Variants in SLC39A11 observed in about 807,000 individuals in gnomAD.
SLC39A11 encodes solute carrier family 39 member 11, also known as zinc transporter ZIP11.
A neutral mutation model predicts 36.1 loss-of-function variants in SLC39A11; 33 were observed. That is an observed-to-expected ratio of 0.91 (90% CI 0.69 to 1.22). The LOEUF (loss-of-function observed/expected upper bound fraction) is 1.22. Ranked by LOEUF, SLC39A11 falls within the 50% of genes most tolerant of loss-of-function variation. The pLI is 0.00. For missense variants in SLC39A11, 432 were observed against 430.3 expected (o/e 1.00, Z -0.03); for synonymous variants, 166 against 170.3 (o/e 0.97, Z 0.20).
intron 7 of SLC39A11, among the ~76,000 whole-genome samples, chr17:72,699,422 G>T (rs1567960212): frequency 6.6e-6 from 1 of 152,180 alleles, no homozygotes; most frequent in Non-Finnish European, 1.5e-5. Flanking sequence ...GGAGGTAGGG[G>T]CAAAGAGGAG....
chr17:72,831,793 A>C (rs1182014582), intron 6 of SLC39A11, among the ~76,000 whole-genome samples: 2 of 152,222 alleles, frequency 1.3e-5, no homozygotes, highest in Admixed American at 1.3e-4. Context: ...GAAGCATCCG[A>C]ATTCATTTTT....
At chr17:72,892,582 A>G (rs2081811970) in intron 5 of SLC39A11, among the ~76,000 whole-genome samples, 1 of 152,230 alleles carries the variant, frequency 6.6e-6, no homozygotes, top group East Asian at 1.9e-4. Flanking sequence ...TCAAGAGTCT[A>G]TTTCCCCACT....
intron 7 of SLC39A11, among the ~76,000 whole-genome samples, chr17:72,712,027 G>T (rs1041995168): frequency 6.6e-6 from 1 of 152,252 alleles, no homozygotes; most frequent in Non-Finnish European, 1.5e-5. Context: ...GGCTTAGTGA[G>T]GGATTAGACT....
chr17:72,986,382 G>C (rs138613378), intron 4 of SLC39A11, among the ~76,000 whole-genome samples: 1 of 152,272 alleles, frequency 6.6e-6, no homozygotes, highest in Admixed American at 6.5e-5. Context: ...ACAAAGCCCC[G>C]GTGAAGCTTT....
At chr17:73,032,241 C>T (rs2058761021) in intron 3 of SLC39A11, among the ~76,000 whole-genome samples, 1 of 150,024 alleles carries the variant, frequency 6.7e-6, no homozygotes, top group African/African-American at 2.5e-5. Context: ...GAGACTTTCT[C>T]TGTCACCCAG....
chr17:72,864,567 A>G (rs972871325), intron 5 of SLC39A11, among the ~76,000 whole-genome samples: 2 of 152,270 alleles, frequency 1.3e-5, no homozygotes, highest in African/African-American at 4.8e-5. Context: ...CCATAGATAC[A>G]CATGGAAAAC....
chr17:72,776,357 T>C (rs1489969424), intron 6 of SLC39A11, among the ~76,000 whole-genome samples: 1 of 152,222 alleles, frequency 6.6e-6, no homozygotes, highest in Non-Finnish European at 1.5e-5. Context: ...GTTACTCTCC[T>C]AATAAATTGT....
intron 6 of SLC39A11, among the ~76,000 whole-genome samples, chr17:72,747,920 C>T (rs768821495): frequency 6.6e-5 from 10 of 152,186 alleles, no homozygotes; most frequent in Admixed American, 1.3e-4. Context: ...TAGTTTGATG[C>T]AGTTTTCCAG....
chr17:72,945,768 A>C (rs2085395455), intron 5 of SLC39A11, among the ~76,000 whole-genome samples: 1 of 152,200 alleles, frequency 6.6e-6, no homozygotes, highest in Non-Finnish European at 1.5e-5. Context: ...TTGGCCAAGA[A>C]GACCCAGCAG....
At chr17:73,017,144 G>A (rs557571569) in intron 4 of SLC39A11, among the ~76,000 whole-genome samples, 1 of 152,132 alleles carries the variant, frequency 6.6e-6, no homozygotes, top group East Asian at 1.9e-4. Flanking sequence ...GAAAAATGAG[G>A]CCAAAAACAC....
chr17:72,929,760 C>A (rs1411358798), intron 5 of SLC39A11, among the ~76,000 whole-genome samples: 1 of 152,098 alleles, frequency 6.6e-6, no homozygotes, highest in Non-Finnish European at 1.5e-5. Flanking sequence ...CCCTTGGAAA[C>A]TGGATTTAAC....
chr17:72,675,566 G>A (rs2071220580), intron 7 of SLC39A11, among the ~76,000 whole-genome samples: 1 of 152,166 alleles, frequency 6.6e-6, no homozygotes, highest in African/African-American at 2.4e-5. Context: ...ACTCTTGGAA[G>A]ACCTTAGCTG....
At chr17:72,818,229 T>A (rs1234400019) in intron 6 of SLC39A11, among the ~76,000 whole-genome samples, 4 of 152,110 alleles carry the variant, frequency 2.6e-5, no homozygotes. Flanking sequence ...GCCTGAAAGG[T>A]CCAATCATCT....
chr17:72,732,049 T>C (rs1567999522), intron 7 of SLC39A11, among the ~76,000 whole-genome samples: 3 of 104,964 alleles, frequency 2.9e-5, no homozygotes, highest in Non-Finnish European at 6.2e-5. Flanking sequence ...TCTTTTTTTT[T>C]TTTTTTTTTT....
At chr17:72,980,213 G>T (rs1040295438) in intron 4 of SLC39A11, among the ~76,000 whole-genome samples, 1 of 152,144 alleles carries the variant, frequency 6.6e-6, no homozygotes, top group African/African-American at 2.4e-5. Flanking sequence ...GACAAAATTA[G>T]TGGTGGCTCA....
At chr17:73,004,104 AAGAG>A (rs200928496) in intron 4 of SLC39A11, among the ~76,000 whole-genome samples, 10 of 149,958 alleles carry the variant, frequency 6.7e-5, no homozygotes, top group African/African-American at 2.2e-4. Flanking sequence ...GGAAGAAAGA[AAGAG>A]AGAGAGAGAG....
intron 5 of SLC39A11, among the ~76,000 whole-genome samples, chr17:72,861,666 T>TATATATATATATATATATATATATATAC (rs2080012172): frequency 9.3e-6 from 1 of 107,090 alleles, no homozygotes; most frequent in African/African-American, 4.0e-5. Flanking sequence ...ATTATATATA[T>TATATATATATATATATATATATATATAC]ATATATATAT....
At chr17:72,983,733 G>A (rs1339443705) in intron 4 of SLC39A11, among the ~76,000 whole-genome samples, 1 of 152,166 alleles carries the variant, frequency 6.6e-6, no homozygotes, top group Non-Finnish European at 1.5e-5. Flanking sequence ...ATGGGCTGTG[G>A]GCAATTTTCT....
intron 6 of SLC39A11, among the ~76,000 whole-genome samples, chr17:72,811,304 T>A (rs756985411): frequency 2.2e-4 from 33 of 152,268 alleles, no homozygotes; most frequent in Middle Eastern, 3.4e-3. Context: ...AGGGCACTAA[T>A]CCAGTCTCTA....
Sources: gnomAD v4.1 joint callset for allele counts (sites outside exome capture counted in the v4.1 genomes callset) on GRCh38, gnomAD v4.1.1 for gene constraint, MANE v1.5 for transcripts, NCBI Gene and HGNC (gene_info 2026-07-23, HGNC 2026-07-21) for gene names.